C12orf54: variants seen among roughly 807,000 people sequenced by gnomAD.
C12orf54 encodes the protein chromosome 12 open reading frame 54, also known as uncharacterized protein C12orf54.
C12orf54 carries 24 observed loss-of-function variants against 26.4 expected under a neutral mutation model. The observed-to-expected ratio is 0.91, with a 90% CI of 0.66 to 1.28. The LOEUF is 1.28. Ranked by LOEUF, C12orf54 falls within the 50% of genes most tolerant of loss-of-function variation. The pLI, the probability that C12orf54 is intolerant of heterozygous loss-of-function variation, is 0.00. For synonymous variants in C12orf54, 54 were observed against 47.0 expected (o/e 1.15, Z -0.61); for missense variants, 154 against 150.9 (o/e 1.02, Z -0.11).
chr12:48,437,932 G>T, the C12orf54 span, among the ~76,000 whole-genome samples: 1 of 152,120 alleles, frequency 6.6e-6, no homozygotes, highest in African/African-American at 2.4e-5. Context: ...GAAATAAAGG[G>T]CATTCAGTTA....
At chr12:48,477,688 C>A (rs1366917603), upstream of C12orf54, among the ~76,000 whole-genome samples, 1 of 152,156 alleles carries the variant, frequency 6.6e-6, no homozygotes, top group East Asian at 1.9e-4. Context: ...CCTCCCAAGA[C>A]TAAACCAGGA....
rs9268 is a variant in C12orf54, at chr12:48,494,906, C to T, written c.351C>T (p.Leu117=). Residue 117 remains leucine (L), a synonymous_variant, in exon 8 of 9, where the codon CTC becomes CTT. Transcript: ENST00000548364. The part of the protein sequence containing the change: ...GGRIHNLKTQ[L]FSQSAYYPGP The stretch of plus-strand genomic sequence containing the variant: ...GTATCCACAACCTGAAGACACAGCT[C>T]TTCAGTCAATCAGCTTACTACCCTG... The T allele has an allele frequency of 6.2e-7, 1 of 1,612,468 alleles. No homozygotes were observed.
the C12orf54 span, among the ~76,000 whole-genome samples, chr12:48,434,369 C>T: frequency 6.6e-6 from 1 of 152,218 alleles, no homozygotes; most frequent in Non-Finnish European, 1.5e-5. Flanking sequence ...CAGCAATAAC[C>T]TCTGCAGACT....
the C12orf54 span, among the ~76,000 whole-genome samples, chr12:48,425,530 A>G: frequency 1.3e-5 from 2 of 152,140 alleles, no homozygotes; most frequent in African/African-American, 2.4e-5. Context: ...TAGTGCTGCA[A>G]TGAACATATG....
At chr12:48,434,194 A>C in the C12orf54 span, among the ~76,000 whole-genome samples, 1 of 152,166 alleles carries the variant, frequency 6.6e-6, no homozygotes, top group Non-Finnish European at 1.5e-5. Context: ...TCAAGCAGCA[A>C]AGCGGCAGCG....
At chr12:48,485,646 T>G (rs1343569545) in intron 2 of C12orf54, among the ~76,000 whole-genome samples, 3 of 152,272 alleles carry the variant, frequency 2.0e-5, no homozygotes, top group Non-Finnish European at 4.4e-5. Context: ...GATTTAGGAA[T>G]GAGATGGTAT....
chr12:48,423,234 A>G, the C12orf54 span, among the ~76,000 whole-genome samples: 1 of 152,176 alleles, frequency 6.6e-6, no homozygotes, highest in Non-Finnish European at 1.5e-5. Context: ...TAAGAAATTT[A>G]CACAGGAAAT....
the C12orf54 span, among the ~76,000 whole-genome samples, chr12:48,433,829 G>A: frequency 6.6e-6 from 1 of 152,188 alleles, no homozygotes; most frequent in African/African-American, 2.4e-5. Context: ...ACAGCTCCCA[G>A]CGTGAGCAAT....
At chr12:48,444,567 A>G in the C12orf54 span, among the ~76,000 whole-genome samples, 12 of 152,366 alleles carry the variant, frequency 7.9e-5, 1 homozygote, top group East Asian at 1.5e-3. Context: ...TTCCTCACAG[A>G]AAGAAAAATA....
intron 1 of C12orf54, 22 bp from the exon 2 acceptor site, chr12:48,483,218 A>C: frequency 7.8e-7 from 1 of 1,280,052 alleles, no homozygotes; most frequent in South Asian, 1.2e-5. Flanking sequence ...CCTTCTCCGC[A>C]TATTCATTTA....
intron 5 of C12orf54, among the ~76,000 whole-genome samples, chr12:48,489,685 G>A (rs2731098): frequency 0.15 from 22,150 of 151,564 alleles, 2,834 homozygotes; most frequent in East Asian, 0.66. Context: ...CCAAAGTGCT[G>A]GGATTACAGG....
At chr12:48,472,911 T>A in the C12orf54 span, 44 of 1,614,000 alleles carry the variant, frequency 2.7e-5, no homozygotes, top group Non-Finnish European at 3.6e-5. Context: ...CCTAGAAGTA[T>A]TGGCAGAAAA....
At chr12:48,485,000 C>A (rs1259156841) in intron 2 of C12orf54, among the ~76,000 whole-genome samples, 2 of 152,150 alleles carry the variant, frequency 1.3e-5, no homozygotes, top group African/African-American at 4.8e-5. Context: ...GATATGATGT[C>A]AATGCTATTA....
chr12:48,487,204 T>C (rs560756542), intron 4 of C12orf54, among the ~76,000 whole-genome samples: 1 of 152,236 alleles, frequency 6.6e-6, no homozygotes, highest in East Asian at 1.9e-4. Flanking sequence ...TTCTAAGAGG[T>C]CTTCACATAA....
the C12orf54 span, among the ~76,000 whole-genome samples, chr12:48,475,027 CG>C: frequency 6.6e-6 from 1 of 152,146 alleles, no homozygotes; most frequent in African/African-American, 2.4e-5. Flanking sequence ...CTCACACAGC[CG>C]GGTACTCCTC....
chr12:48,439,585 A>G, the C12orf54 span, among the ~76,000 whole-genome samples: 1 of 152,250 alleles, frequency 6.6e-6, no homozygotes, highest in Non-Finnish European at 1.5e-5. Flanking sequence ...GGATGAGTTC[A>G]TGTCCTTTGT....
At chr12:48,416,640 T>C in the C12orf54 span, among the ~76,000 whole-genome samples, 200 of 152,162 alleles carry the variant, frequency 1.3e-3, 1 homozygote, top group South Asian at 1.7e-3. Flanking sequence ...GACAGGTGGG[T>C]CACCTGAGGT....
chr12:48,467,121 A>C, the C12orf54 span, among the ~76,000 whole-genome samples: 4 of 152,158 alleles, frequency 2.6e-5, no homozygotes, highest in African/African-American at 9.7e-5. Flanking sequence ...ATGAGACCTA[A>C]GTCTAATGAC....
chr12:48,468,776 G>T, the C12orf54 span, among the ~76,000 whole-genome samples: 2 of 152,040 alleles, frequency 1.3e-5, no homozygotes, highest in African/African-American at 4.8e-5. Context: ...CTTATAGGGG[G>T]AACCAGCCCC....
Sources: gnomAD v4.1 joint callset for allele counts (sites outside exome capture counted in the v4.1 genomes callset) on GRCh38, gnomAD v4.1.1 for gene constraint, MANE v1.5 for transcripts, NCBI Gene and HGNC (gene_info 2026-07-23, HGNC 2026-07-21) for gene names.